JAK1: variants seen among roughly 807,000 people sequenced by gnomAD.
JAK1 encodes tyrosine-protein kinase JAK1.
Under a neutral mutation model 136.6 loss-of-function variants are expected in JAK1, and 16 were observed. That is an observed-to-expected ratio of 0.12 (90% CI 0.08 to 0.18). The LOEUF (loss-of-function observed/expected upper bound fraction) is 0.18. Among genes scored for constraint, JAK1 ranks in the 10% least tolerant of loss-of-function variants. The probability of loss-of-function intolerance (pLI) is 1.00; values close to 1 mark genes in which losing one functional copy is unlikely to be tolerated. For missense variants in JAK1, 859 were observed against 1,450.1 expected (o/e 0.59, Z 6.62); for synonymous variants, 492 against 519.5 (o/e 0.95, Z 0.72).
intron 5 of JAK1, among the ~76,000 whole-genome samples, chr1:64,872,020 T>C (rs543480192): frequency 1.3e-5 from 2 of 152,298 alleles, no homozygotes; most frequent in Admixed American, 6.5e-5. Context: ...TCCAGCCTCG[T>C]TCCCCATCAC....
chr1:64,963,712 C>A (rs1646324011), intron 1 of JAK1, among the ~76,000 whole-genome samples: 1 of 152,136 alleles, frequency 6.6e-6, no homozygotes, highest in East Asian at 1.9e-4. Context: ...ATTTTTATCT[C>A]CATTTTGCAA....
chr1:64,983,126 TC>T (rs1646564833), intron 2 of JAK1, among the ~76,000 whole-genome samples: 1 of 152,058 alleles, frequency 6.6e-6, no homozygotes. Flanking sequence ...GAAAGGGAGA[TC>T]CAGCAACATA....
chr1:64,886,654 GCC>G (rs1644856560), intron 1 of JAK1, among the ~76,000 whole-genome samples: 1 of 151,658 alleles, frequency 6.6e-6, no homozygotes, highest in Non-Finnish European at 1.5e-5. Flanking sequence ...TCCATCAACA[GCC>G]CCTCTCCTGA....
chr1:64,988,932 ATATATATATGTATGTG>A (rs1387680049), intron 2 of JAK1, among the ~76,000 whole-genome samples: 1 of 145,338 alleles, frequency 6.9e-6, no homozygotes, highest in Admixed American at 7.0e-5. Context: ...ATGTATGTGT[ATATATATATGTATGTG>A]TATATATATG....
At chr1:65,064,322 G>T (rs1483114435) in intron 1 of JAK1, among the ~76,000 whole-genome samples, 5 of 152,142 alleles carry the variant, frequency 3.3e-5, no homozygotes, top group Non-Finnish European at 5.9e-5. Context: ...TACCATATTA[G>T]GGCAGGTATC....
chr1:64,981,418 G>A (rs1438768373), intron 2 of JAK1, among the ~76,000 whole-genome samples: 1 of 152,100 alleles, frequency 6.6e-6, no homozygotes, highest in Non-Finnish European at 1.5e-5. Context: ...CCCCTGGAAC[G>A]CTCGTGGCAC....
chr1:65,033,368 G>A (rs1442253684), intron 2 of JAK1, among the ~76,000 whole-genome samples: 1 of 151,486 alleles, frequency 6.6e-6, no homozygotes, highest in African/African-American at 2.4e-5. Flanking sequence ...TTTTATTTTT[G>A]TAGAAATGGA....
At chr1:64,850,571 C>T (rs1400204618) in intron 12 of JAK1, among the ~76,000 whole-genome samples, 4 of 152,232 alleles carry the variant, frequency 2.6e-5, no homozygotes, top group Non-Finnish European at 5.9e-5. Flanking sequence ...TCTAGGTAAC[C>T]CCACAAAGCC....
rs372699285 is a variant in JAK1, at chr1:64,982,173, A to G, written c.-78+62307T>C. ...GGAAGCAGTCTTTCTGTTGGCTGAA[A>G]AAGATCAACTGTATTCTTTGAAGAT... On this transcript the variant is annotated intron_variant, in intron 2 of 25. Coordinates refer to the JAK1 transcript ENST00000671954. 2.0e-4 allele frequency among the ~76,000 whole-genome samples: 30 copies of G among 152,266 alleles called. 5 individuals carry two copies. The highest frequency in any genetic ancestry group is 3.3e-4 in the Admixed American group (5 of 15,270).
intron 2 of JAK1, among the ~76,000 whole-genome samples, chr1:64,980,096 C>T (rs996442795): frequency 3.3e-5 from 5 of 152,040 alleles, no homozygotes; most frequent in African/African-American, 1.2e-4. Context: ...ACTAAGTAAG[C>T]TTTGGAGGGG....
rs1391116225 is a variant in JAK1, at chr1:64,873,534, G to A, written c.330-11C>T. On this transcript the variant is annotated splice_polypyrimidine_tract_variant and intron_variant, in intron 4 of 24. Transcript: ENST00000342505. ...TTGGTGAAATAGAACCTGGAAGGCA[G>A]GAAAATGAATGCCAATTGTGGCAAA... 1.9e-6 allele frequency: 3 copies of A among 1,614,068 alleles called. No homozygotes were observed. Among genetic ancestry groups the A allele is most frequent in the East Asian group, 4.5e-5 (2 of 44,876 alleles).
intron 2 of JAK1, among the ~76,000 whole-genome samples, chr1:65,025,654 CA>C (rs1646971627): frequency 6.7e-6 from 1 of 148,744 alleles, no homozygotes; most frequent in Non-Finnish European, 1.5e-5. Flanking sequence ...CTTAACTTTA[CA>C]AATCAATTTT....
At chr1:64,861,454 T>C (rs1470845561) in intron 8 of JAK1, among the ~76,000 whole-genome samples, 1 of 152,134 alleles carries the variant, frequency 6.6e-6, no homozygotes, top group East Asian at 1.9e-4. Flanking sequence ...TCCTGATCAT[T>C]GATCCCTGAA....
At chr1:64,875,410 C>T (rs551208291) in intron 4 of JAK1, among the ~76,000 whole-genome samples, 1 of 152,338 alleles carries the variant, frequency 6.6e-6, no homozygotes, top group South Asian at 2.1e-4. Flanking sequence ...TGGCATCATT[C>T]GAGCAATGCC....
At position 64,951,649 on chromosome 1, in the gene JAK1, CTTTTTTTTTTTT is replaced by C. The variant is rs71056071; in HGVS notation, c.-78+14672_-78+14683del. 2.5e-3 allele frequency among the ~76,000 whole-genome samples: 195 copies of C among 77,006 alleles called. 1 individual carries two copies. The highest frequency in any genetic ancestry group is 2.9e-3 in the Non-Finnish European group (127 of 43,246). 50.5% of individuals were successfully genotyped at this position (77,006 alleles called of 152,430 possible). A position where few individuals can be genotyped will look rare whatever the true frequency, so the allele number is the denominator to read the frequency against. On this transcript the variant is annotated intron_variant, in intron 1 of 24. Coordinates refer to ENST00000342505, the MANE Select transcript of JAK1 (RefSeq NM_002227.4). ...GCCCTTAGCTATAAACAAGTTCTGC[CTTTTTTTTTTTT>C]TTTTTTTTTTTTTTTGAGACGGAGT...
intron 23 of JAK1, 82 bp from the exon 24 acceptor site, chr1:64,835,588 C>G: frequency 1.2e-6 from 1 of 829,094 alleles, no homozygotes. Context: ...GAAATTTCTA[C>G]AATCAACTGG....
rs755252046 is a variant in JAK1, at chr1:64,835,388, A to G, written c.3369+8T>C. 1 of 1,504,138 alleles carries G rather than the reference A, an allele frequency of 6.6e-7. No individual in the cohort carries two copies. Among genetic ancestry groups the G allele is most frequent in the East Asian group, 2.3e-5 (1 of 44,032 alleles). 93.2% of individuals were successfully genotyped at this position (1,504,138 alleles called of 1,614,324 possible). A position where few individuals can be genotyped will look rare whatever the true frequency, so the allele number is the denominator to read the frequency against. On this transcript the variant is annotated splice_region_variant and intron_variant, in intron 24 of 24. Transcript: ENST00000342505. ...GAGTGTTATTACTGTGACGTGGCCC[A>G]TAGATACCTCATCTGGACAGTTAGG... is the stretch of plus-strand genomic sequence containing the variant.
intron 1 of JAK1, among the ~76,000 whole-genome samples, chr1:64,906,402 C>T (rs1433377513): frequency 1.3e-5 from 2 of 152,066 alleles, no homozygotes; most frequent in Non-Finnish European, 2.9e-5. Context: ...GGAATTCCCA[C>T]ACCATCAACA....
intron 1 of JAK1, among the ~76,000 whole-genome samples, chr1:65,063,795 AC>A: frequency 7.4e-6 from 1 of 135,738 alleles, no homozygotes; most frequent in Non-Finnish European, 1.5e-5. Context: ...ACAGAGAGAG[AC>A]TCTATCTCAA....
Sources: gnomAD v4.1 joint callset for allele counts (sites outside exome capture counted in the v4.1 genomes callset) on GRCh38, gnomAD v4.1.1 for gene constraint, MANE v1.5 for transcripts, NCBI Gene and HGNC (gene_info 2026-07-23, HGNC 2026-07-21) for gene names.